Variants in ZNF429 observed in about 807,000 individuals in gnomAD.
ZNF429 encodes the protein zinc finger protein 429.
In ZNF429, 53 loss-of-function variants were observed where a neutral mutation model predicts 56.8. The observed-to-expected ratio is 0.93, with a 90% CI of 0.75 to 1.17. ZNF429 has a LOEUF of 1.17. Among genes scored for constraint, ZNF429 ranks in the 50% most tolerant of loss-of-function variants. ZNF429 has a pLI of 0.00. For missense variants in ZNF429, 849 were observed against 788.4 expected (o/e 1.08, Z -0.92); for synonymous variants, 278 against 264.7 (o/e 1.05, Z -0.49).
chr19:21,511,813 T>A (rs6511258), intron 1 of ZNF429, among the ~76,000 whole-genome samples: 6 of 152,070 alleles, frequency 3.9e-5, no homozygotes, highest in Non-Finnish European at 7.4e-5. Flanking sequence ...ATGAGACTCC[T>A]TCTGCAATCC....
intron 1 of ZNF429, among the ~76,000 whole-genome samples, chr19:21,514,513 TTC>T: frequency 6.6e-6 from 1 of 152,240 alleles, no homozygotes; most frequent in East Asian, 1.9e-4. Flanking sequence ...CATGATCTTG[TTC>T]TTTTTTTTTT....
chr19:21,517,660 G>A (rs532398189), intron 1 of ZNF429, among the ~76,000 whole-genome samples: 1 of 151,706 alleles, frequency 6.6e-6, no homozygotes, highest in South Asian at 2.1e-4. Flanking sequence ...GGTATTGGGA[G>A]AATGTATTTG....
chr19:21,524,857 A>G (rs763131973), intron 1 of ZNF429, among the ~76,000 whole-genome samples: 6 of 152,196 alleles, frequency 3.9e-5, no homozygotes, highest in African/African-American at 9.6e-5. Flanking sequence ...CTTTCCTCAT[A>G]CAAGAGATGT....
chr19:21,517,956 GCTAATTTTTTTTTATA>G (rs1210780257), intron 1 of ZNF429, among the ~76,000 whole-genome samples: 3 of 151,782 alleles, frequency 2.0e-5, no homozygotes, highest in Non-Finnish European at 2.9e-5. Context: ...ACCATGCCTG[GCTAATTTTTTTTTATA>G]TTCTTAGTAG....
chr19:21,512,042 G>A (rs966538583), intron 1 of ZNF429, among the ~76,000 whole-genome samples: 52 of 152,290 alleles, frequency 3.4e-4, no homozygotes, highest in Non-Finnish European at 5.3e-4. Context: ...GTCCAGCTTC[G>A]GCTCAGCATC....
intron 1 of ZNF429, chr19:21,518,490 G>T (rs1441295485): frequency 3.3e-5 from 5 of 152,238 alleles, no homozygotes; most frequent in African/African-American, 7.2e-5. Flanking sequence ...TCATTCAGAT[G>T]AAGATTGTTT....
At position 21,537,841 on chromosome 19, in the gene ZNF429, A is replaced by G. The variant is rs992624315; in HGVS notation, c.1788A>G (p.Glu596=). The change falls in exon 4 of 4, where the codon GAA becomes GAG. Residue 596 remains glutamate (E), a synonymous_variant. Coordinates refer to ENST00000358491, the MANE Select transcript of ZNF429 (RefSeq NM_001001415.4). The stretch of plus-strand genomic sequence containing the variant: ...GTGGAGAGAAACCCTACAAATGTGA[A>G]GAATGTGGCAAAGCTTTTAATCGGT... The part of the protein sequence containing the change: ...IHSGEKPYKC[E]ECGKAFNRSS... The G allele has an allele frequency of 1.9e-6, 3 of 1,613,694 alleles. No individual in the cohort carries two copies. In the African/African-American group the frequency reaches 4.0e-5, roughly 22 times the overall value.
chr19:21,533,752 C>A, intron 3 of ZNF429, among the ~76,000 whole-genome samples: 1 of 151,872 alleles, frequency 6.6e-6, no homozygotes, highest in East Asian at 1.9e-4. Context: ...TTCCCGGGTT[C>A]AAGCAATTCT....
intron 1 of ZNF429, among the ~76,000 whole-genome samples, chr19:21,513,378 T>C (rs2032593082): frequency 6.6e-6 from 1 of 152,220 alleles, no homozygotes; most frequent in Non-Finnish European, 1.5e-5. Flanking sequence ...CTACAGTGTT[T>C]GCTGAGTTCT....
intron 1 of ZNF429, among the ~76,000 whole-genome samples, chr19:21,519,230 A>G (rs1044392067): frequency 1.3e-5 from 2 of 152,342 alleles, no homozygotes; most frequent in Admixed American, 1.3e-4. Flanking sequence ...AGTTTTGATA[A>G]CACTATTTAA....
chr19:21,537,310 T>TA lies in ZNF429; in HGVS notation c.1258dup (p.Thr420AsnfsTer9). The TA allele has an allele frequency of 1.2e-6, 2 of 1,614,116 alleles. No homozygotes were observed. ...CACTTACTCAAGACAAGAAAATTCA[T>TA]ACTGGAGAGAAACCCTACAATTGTG... On this transcript the variant is annotated frameshift_variant, in exon 4 of 4. Coordinates refer to ENST00000358491, the MANE Select transcript of ZNF429 (RefSeq NM_001001415.4). LOFTEE classifies it high-confidence loss of function.
At chr19:21,508,272 A>G (rs2032282480) in intron 1 of ZNF429, among the ~76,000 whole-genome samples, 1 of 152,066 alleles carries the variant, frequency 6.6e-6, no homozygotes, top group African/African-American at 2.4e-5. Context: ...ATATCTCAAA[A>G]GACAAAAGAA....
At position 21,538,903 on chromosome 19, in the gene ZNF429, A is replaced by G. The variant is rs1273612515; in HGVS notation, c.*825A>G. Among the ~76,000 whole-genome samples, 1 of 100,758 alleles carries G rather than the reference A, an allele frequency of 9.9e-6. No homozygotes were observed. The highest frequency in any genetic ancestry group is 3.6e-5 in the African/African-American group (1 of 27,434). The allele number at this position is 100,758 out of a possible 152,430, so 66.1% of individuals were successfully genotyped here. A position where few individuals can be genotyped will look rare whatever the true frequency, so the allele number is the denominator to read the frequency against. ...ACTAGTCTGAGGAAAAACATTACAA[A>G]TGTAAAGAGGGTTATAGTGCATTTA... On this transcript the variant is annotated 3_prime_UTR_variant, in exon 4 of 4. Coordinates refer to ENST00000358491, the MANE Select transcript of ZNF429 (RefSeq NM_001001415.4).
intron 1 of ZNF429, among the ~76,000 whole-genome samples, chr19:21,524,854 C>T (rs2033108043): frequency 1.3e-5 from 2 of 152,184 alleles, no homozygotes; most frequent in East Asian, 1.9e-4. Context: ...TTTCTTTCCT[C>T]ATACAAGAGA....
At position 21,540,418 on chromosome 19, in the gene ZNF429, CATAAT is replaced by C. The variant is rs1198431821; in HGVS notation, c.*2343_*2347del. The stretch of plus-strand genomic sequence containing the variant: ...TTTTTTTCTTATTTTTTTGTGGGTA[CATAAT>C]ATGTGTATATATTTATGCAAATCTG... On this transcript the variant is annotated 3_prime_UTR_variant, in exon 4 of 4. Coordinates refer to ENST00000358491, the MANE Select transcript of ZNF429 (RefSeq NM_001001415.4). Among the ~76,000 whole-genome samples, 5 of 151,732 alleles carry C rather than the reference CATAAT, an allele frequency of 3.3e-5. No homozygotes were observed. The highest frequency in any genetic ancestry group is 4.4e-5 in the Non-Finnish European group (3 of 67,900).
intron 1 of ZNF429, among the ~76,000 whole-genome samples, chr19:21,528,363 G>A (rs2033244536): frequency 6.6e-6 from 1 of 152,118 alleles, no homozygotes; most frequent in African/African-American, 2.4e-5. Flanking sequence ...GGAGGTACCT[G>A]TTCTCTAGAG....
intron 3 of ZNF429, among the ~76,000 whole-genome samples, chr19:21,533,798 T>G: frequency 6.6e-6 from 1 of 151,962 alleles, no homozygotes; most frequent in Admixed American, 6.6e-5. Flanking sequence ...GGATTACAGG[T>G]GTATGCCACC....
rs1368433047 is a variant in ZNF429 at position 21,537,428 on chromosome 19, G to A, written c.1375G>A (p.Gly459Ser). 3.7e-6 allele frequency: 6 copies of A among 1,613,470 alleles called. No individual in the cohort carries two copies. The highest frequency in any genetic ancestry group is 1.3e-5 in the African/African-American group (1 of 74,840). The change falls in exon 4 of 4, where the codon GGC becomes AGC. Residue 459 changes from glycine to serine, a missense_variant. By Grantham distance (56) the Gly-to-Ser change is moderately conservative (BLOSUM62 0). Transcript: ENST00000358491. ...EEKPYKCNEC[G>S]KAFNRSSHLT... is the part of the protein sequence containing the mutation. ...GAAACCCTATAAATGTAACGAATGT[G>A]GCAAAGCTTTTAACCGGTCCTCACA...
chr19:21,507,852 G>T (rs1039496987), intron 1 of ZNF429, among the ~76,000 whole-genome samples: 1 of 152,176 alleles, frequency 6.6e-6, no homozygotes, highest in Admixed American at 6.5e-5. Flanking sequence ...CACCCAGCCC[G>T]ACTTTCCTTT....
Sources: allele counts gnomAD v4.1 joint callset (sites outside exome capture counted in the v4.1 genomes callset), GRCh38; gene constraint gnomAD v4.1.1; transcripts MANE v1.5; gene names NCBI Gene and HGNC (gene_info 2026-07-23, HGNC 2026-07-21).